The following LRRFIP2 variants were observed in gnomAD, a reference collection of about 807,000 sequenced individuals.
LRRFIP2 encodes the protein leucine-rich repeat flightless-interacting protein 2.
A neutral mutation model predicts 125.9 loss-of-function variants in LRRFIP2; 109 were observed. The observed-to-expected ratio is 0.87, with a 90% CI of 0.74 to 1.01. The LOEUF (loss-of-function observed/expected upper bound fraction) is 1.01. LRRFIP2 is among the 50% of genes least tolerant of loss of function. The pLI is 0.00. For missense variants in LRRFIP2, 850 were observed against 862.3 expected (o/e 0.99, Z 0.18); for synonymous variants, 291 against 293.1 (o/e 0.99, Z 0.07).
rs1341023480 is a variant in LRRFIP2, at chr3:37,109,719, A to G, written c.514-16T>C. 2 of 1,612,796 alleles carry G rather than the reference A, an allele frequency of 1.2e-6. No individual in the cohort carries two copies. Among genetic ancestry groups the G allele is most frequent in the Admixed American group, 1.7e-5 (1 of 59,922 alleles). On this transcript the variant is annotated splice_polypyrimidine_tract_variant and intron_variant, in intron 9 of 27. Transcript: ENST00000336686. ...AAGAAGACTGCTAAGAGACAAAAAC[A>G]AAATAAATAAGCAAAAACAAAAACA... is the stretch of plus-strand genomic sequence containing the variant.
At chr3:37,131,649 G>A (rs1254739129) in intron 2 of LRRFIP2, among the ~76,000 whole-genome samples, 1 of 151,992 alleles carries the variant, frequency 6.6e-6, no homozygotes, top group Non-Finnish European at 1.5e-5. Context: ...TGTTATATTC[G>A]TGCCCAAGTC....
At position 37,100,367 on chromosome 3, in the gene LRRFIP2, C is replaced by CATACATACATGT. The variant is rs568079454; in HGVS notation, c.873+2545_873+2556dup. 1.2e-3 allele frequency among the ~76,000 whole-genome samples: 175 copies of CATACATACATGT among 143,294 alleles called. 2 individuals are homozygous for CATACATACATGT. Among genetic ancestry groups the CATACATACATGT allele is most frequent in the Non-Finnish European group, 2.0e-3 (134 of 67,214 alleles). 94.0% of individuals were successfully genotyped at this position (143,294 alleles called of 152,430 possible). ...ATGTATGCGTATATATATACACATA[C>CATACATACATGT]ATACATACATGTATACATACATACA... On this transcript the variant is annotated intron_variant, in intron 15 of 27. Coordinates refer to ENST00000336686, the MANE Select transcript of LRRFIP2 (RefSeq NM_006309.4).
chr3:37,170,693 G>C (rs76710124), intron 1 of LRRFIP2: 5 of 130,426 alleles, frequency 3.8e-5, no homozygotes, highest in African/African-American at 1.3e-4. Context: ...ACATTTGACC[G>C]ATTCTTGGCA....
chr3:37,102,015 G>A (rs748792541), intron 15 of LRRFIP2, among the ~76,000 whole-genome samples: 1 of 152,178 alleles, frequency 6.6e-6, no homozygotes, highest in Non-Finnish European at 1.5e-5. Flanking sequence ...ATTGTTCCTG[G>A]TTAGTACAAA....
At chr3:37,127,443 C>T (rs1311535334) in intron 4 of LRRFIP2, among the ~76,000 whole-genome samples, 187 bp downstream of exon 4, 1 of 152,158 alleles carries the variant, frequency 6.6e-6, no homozygotes, top group Non-Finnish European at 1.5e-5. Context: ...AGGATACTGA[C>T]TACAACATAA....
intron 2 of LRRFIP2, chr3:37,134,528 A>G (rs538954884): frequency 1.5e-5 from 6 of 396,786 alleles, no homozygotes; most frequent in African/African-American, 1.2e-4. Context: ...CCACAATACC[A>G]AGAGCTTGTG....
At chr3:37,143,294 T>A (rs2095764089) in intron 2 of LRRFIP2, among the ~76,000 whole-genome samples, 2 of 152,244 alleles carry the variant, frequency 1.3e-5, no homozygotes, top group Admixed American at 1.3e-4. Context: ...TCTTGCTGTC[T>A]TTATGTTGAA....
At chr3:37,064,750 A>G (rs2089732165) in intron 23 of LRRFIP2, 1 of 152,274 alleles carries the variant, frequency 6.6e-6, no homozygotes, top group Non-Finnish European at 1.5e-5. Flanking sequence ...TTAAAAAAGC[A>G]GCTGATACCT....
chr3:37,158,101 T>C (rs1405126912), intron 1 of LRRFIP2, among the ~76,000 whole-genome samples: 1 of 152,204 alleles, frequency 6.6e-6, no homozygotes, highest in Non-Finnish European at 1.5e-5. Context: ...TTTATACTAT[T>C]TCATCAACTG....
At chr3:37,081,767 A>C (rs1235336090) in intron 19 of LRRFIP2, among the ~76,000 whole-genome samples, 2 of 151,876 alleles carry the variant, frequency 1.3e-5, no homozygotes, top group Non-Finnish European at 2.9e-5. Flanking sequence ...ACGTGCCTGT[A>C]GTCCCAGCTA....
intron 2 of LRRFIP2, among the ~76,000 whole-genome samples, chr3:37,147,398 T>G (rs985074305): frequency 3.3e-5 from 5 of 152,260 alleles, no homozygotes; most frequent in African/African-American, 4.8e-5. Context: ...CCTGCACATG[T>G]ACGTTCACTG....
intron 3 of LRRFIP2, among the ~76,000 whole-genome samples, chr3:37,128,106 C>T (rs1006352685): frequency 6.6e-6 from 1 of 152,076 alleles, no homozygotes; most frequent in African/African-American, 2.4e-5. Context: ...GCAACACTTC[C>T]TCTTCAAGAA....
At chr3:37,058,693 A>T in intron 25 of LRRFIP2, 97 bp downstream of exon 25, 1 of 1,282,542 alleles carries the variant, frequency 7.8e-7, no homozygotes, top group African/African-American at 1.5e-5. Context: ...AAAAAAAAAG[A>T]AAAGTGTATT....
chr3:37,111,196 T>A (rs1007484741), intron 8 of LRRFIP2, 131 bp from the exon 9 acceptor site: 2 of 612,820 alleles, frequency 3.3e-6, no homozygotes. Context: ...AAAATGTTTT[T>A]AAATCATCAT....
At chr3:37,099,835 C>T (rs568081881) in intron 15 of LRRFIP2, among the ~76,000 whole-genome samples, 5 of 152,284 alleles carry the variant, frequency 3.3e-5, no homozygotes, top group African/African-American at 1.2e-4. Flanking sequence ...TTTCTCAGCA[C>T]CTCCTAGCTC....
intron 15 of LRRFIP2, among the ~76,000 whole-genome samples, chr3:37,102,162 T>C (rs1031072388): frequency 1.3e-5 from 2 of 152,192 alleles, no homozygotes; most frequent in Non-Finnish European, 2.9e-5. Flanking sequence ...GGCTAGGTAT[T>C]AGATGATACT....
intron 20 of LRRFIP2, 27 bp from the exon 21 acceptor site, chr3:37,072,909 A>G (rs745814276): frequency 6.8e-7 from 1 of 1,463,558 alleles, no homozygotes; most frequent in East Asian, 2.3e-5. Flanking sequence ...GAAGAGAAGT[A>G]ATAAAAGAGC....
At chr3:37,077,558 A>T (rs2148959631) in intron 19 of LRRFIP2, among the ~76,000 whole-genome samples, 1 of 152,316 alleles carries the variant, frequency 6.6e-6, no homozygotes, top group African/African-American at 2.4e-5. Context: ...GATTTAAAAC[A>T]TGGAAAGATA....
chr3:37,093,068 G>A (rs2093545199), intron 17 of LRRFIP2: 1 of 152,272 alleles, frequency 6.6e-6, no homozygotes, highest in African/African-American at 2.4e-5. Context: ...TCAAACTCCT[G>A]ACCTCGTGAT....
Sources: allele counts gnomAD v4.1 joint callset (sites outside exome capture counted in the v4.1 genomes callset), GRCh38; gene constraint gnomAD v4.1.1; transcripts MANE v1.5; gene names NCBI Gene and HGNC (gene_info 2026-07-23, HGNC 2026-07-21).